DLG2: variants seen among roughly 807,000 people sequenced by gnomAD.
DLG2 encodes the protein discs large MAGUK scaffold protein 2.
A neutral mutation model predicts 132.5 loss-of-function variants in DLG2; 45 were observed. The observed-to-expected ratio is 0.34, with a 90% CI of 0.27 to 0.44. DLG2 has a LOEUF of 0.44. Ranked by LOEUF, DLG2 falls within the 20% of genes least tolerant of loss-of-function variation. DLG2 has a pLI of 1.00. For missense variants in DLG2, 1,045 were observed against 1,196.9 expected (o/e 0.87, Z 1.87); for synonymous variants, 424 against 419.6 (o/e 1.01, Z -0.13).
chr11:84,012,828 C>G (rs918239328), intron 11 of DLG2, among the ~76,000 whole-genome samples: 1 of 152,050 alleles, frequency 6.6e-6, no homozygotes, highest in African/African-American at 2.4e-5. Flanking sequence ...TTAATCTAAT[C>G]GAATACCCGC....
intron 18 of DLG2, among the ~76,000 whole-genome samples, chr11:83,698,017 A>T (rs904661128): frequency 3.9e-5 from 6 of 152,232 alleles, no homozygotes; most frequent in Non-Finnish European, 8.8e-5. Flanking sequence ...CTTGATTGTC[A>T]TCAAGTCTCT....
chr11:83,884,175 G>A (rs182745863), intron 15 of DLG2, among the ~76,000 whole-genome samples: 105 of 152,354 alleles, frequency 6.9e-4, no homozygotes, highest in Non-Finnish European at 1.4e-3. Flanking sequence ...GGGTCAGGGA[G>A]TTTCCTTTCC....
At chr11:85,336,484 T>G (rs2082140344) in intron 3 of DLG2, 1 of 155,990 alleles carries the variant, frequency 6.4e-6, no homozygotes, top group South Asian at 1.9e-4. Context: ...GTGGCCAAGG[T>G]GGTAGCAGCA....
At chr11:84,045,394 C>G (rs2096219590) in intron 11 of DLG2, among the ~76,000 whole-genome samples, 1 of 151,542 alleles carries the variant, frequency 6.6e-6, no homozygotes, top group African/African-American at 2.4e-5. Flanking sequence ...TAGGTGCAGT[C>G]CAACAATATT....
chr11:83,640,377 G>C (rs2066152770), intron 18 of DLG2, among the ~76,000 whole-genome samples: 1 of 152,162 alleles, frequency 6.6e-6, no homozygotes. Context: ...TGTTTACCTG[G>C]ATGTGACCCT....
intron 21 of DLG2, among the ~76,000 whole-genome samples, chr11:83,491,778 C>T (rs1017265271): frequency 1.1e-4 from 16 of 151,894 alleles, no homozygotes; most frequent in Non-Finnish European, 2.1e-4. Context: ...GAGACCTTCT[C>T]TTCTCTCTCA....
Position 85,042,231 on chromosome 11 carries a change from A to T in DLG2, c.357+69430T>A, listed in dbSNP as rs2061936695. On this transcript the variant is annotated intron_variant, in intron 6 of 27. Coordinates refer to ENST00000376104, the MANE Select transcript of DLG2 (RefSeq NM_001142699.3). ...TATGTCAGCTAGATGTATACGTTTG[A>T]GAATTGTTGGCATATTCATAGCACT... 2.0e-5 allele frequency among the ~76,000 whole-genome samples: 3 copies of T among 152,138 alleles called. No individual in the cohort carries two copies. The East Asian group carries it at 5.8e-4, about 29-fold the overall frequency.
intron 3 of DLG2, among the ~76,000 whole-genome samples, chr11:85,488,423 A>C (rs182936363): frequency 6.6e-6 from 1 of 151,892 alleles, no homozygotes; most frequent in Non-Finnish European, 1.5e-5. Context: ...CCACAACAAA[A>C]AGTGTCTTTT....
intron 18 of DLG2, among the ~76,000 whole-genome samples, chr11:83,752,272 GA>G (rs1208797362): frequency 0.031 from 3,264 of 104,566 alleles, 105 homozygotes; most frequent in African/African-American, 0.098. Context: ...TGTCTCAAAA[GA>G]AAAAAAAAAA....
At chr11:84,916,116 C>A (rs565828987) in intron 6 of DLG2, among the ~76,000 whole-genome samples, 2 of 151,646 alleles carry the variant, frequency 1.3e-5, no homozygotes, top group Non-Finnish European at 1.5e-5. Context: ...GAGGCCGAGG[C>A]GGGCGGATCA....
intron 6 of DLG2, among the ~76,000 whole-genome samples, chr11:84,710,234 C>A (rs989323832): frequency 6.6e-6 from 1 of 151,966 alleles, no homozygotes; most frequent in Non-Finnish European, 1.5e-5. Flanking sequence ...ATGTACATTT[C>A]TTAGTACTAG....
At chr11:84,371,231 G>GA (rs1264540803) in intron 7 of DLG2, among the ~76,000 whole-genome samples, 33 of 145,622 alleles carry the variant, frequency 2.3e-4, no homozygotes, top group Admixed American at 7.5e-4. Context: ...TAAACCAAAA[G>GA]AAAAAAAATA....
chr11:84,017,039 G>T (rs191990366), intron 11 of DLG2, among the ~76,000 whole-genome samples: 4 of 151,968 alleles, frequency 2.6e-5, no homozygotes, highest in Non-Finnish European at 5.9e-5. Context: ...GTACTACACA[G>T]AGAACATAGC....
chr11:84,475,551 T>A (rs1004321683), intron 7 of DLG2, among the ~76,000 whole-genome samples: 10 of 152,084 alleles, frequency 6.6e-5, no homozygotes, highest in African/African-American at 2.4e-4. Flanking sequence ...AGCAGTCTCC[T>A]ATAGACAAGT....
chr11:85,477,341 G>T (rs1034122794), intron 3 of DLG2, among the ~76,000 whole-genome samples: 1 of 152,114 alleles, frequency 6.6e-6, no homozygotes, highest in Admixed American at 6.6e-5. Context: ...GGTATGAAAA[G>T]CAAAACTTAC....
At position 85,065,767 on chromosome 11, in the gene DLG2, A is replaced by T. The variant is rs186012419; in HGVS notation, c.357+45894T>A. Among the ~76,000 whole-genome samples, 395 of 151,206 alleles carry T rather than the reference A, an allele frequency of 2.6e-3. 1 individual carries two copies. Among genetic ancestry groups the T allele is most frequent in the African/African-American group, 8.5e-3 (353 of 41,432 alleles). On this transcript the variant is annotated intron_variant, in intron 6 of 27. Coordinates refer to ENST00000376104, the MANE Select transcript of DLG2 (RefSeq NM_001142699.3). ...GAAATTTAAAAAATATATATTAAAG[A>T]AATAAAAATAGAGATAAAATATACC...
chr11:84,809,090 T>C (rs1054250851), intron 6 of DLG2, among the ~76,000 whole-genome samples: 10 of 152,072 alleles, frequency 6.6e-5, no homozygotes, highest in African/African-American at 2.4e-4. Context: ...GTGGATACCA[T>C]GATCAAGTGG....
intron 7 of DLG2, among the ~76,000 whole-genome samples, chr11:84,447,446 T>C (rs2099038639): frequency 6.6e-6 from 1 of 152,160 alleles, no homozygotes; most frequent in South Asian, 2.1e-4. Context: ...CTCTTTATAA[T>C]TCTGTTTAAT....
chr11:84,734,284 TC>T (rs2063537319), intron 6 of DLG2, among the ~76,000 whole-genome samples: 1 of 152,214 alleles, frequency 6.6e-6, no homozygotes, highest in South Asian at 2.1e-4. Flanking sequence ...GGAATGCTCT[TC>T]CATTTGTTTG....
Sources: allele counts gnomAD v4.1 joint callset (sites outside exome capture counted in the v4.1 genomes callset), GRCh38; gene constraint gnomAD v4.1.1; transcripts MANE v1.5; gene names NCBI Gene and HGNC (gene_info 2026-07-23, HGNC 2026-07-21).